Variants in PSD3 observed in about 807,000 individuals in gnomAD.
PSD3 encodes the protein pleckstrin and Sec7 domain containing 3.
In PSD3, 49 loss-of-function variants were observed where a neutral mutation model predicts 105.5. The ratio of observed to expected loss-of-function variants is 0.46; its 90% CI spans 0.37 to 0.59. The LOEUF (loss-of-function observed/expected upper bound fraction) is 0.59. PSD3 is among the 20% of genes least tolerant of loss of function. The pLI, the probability that PSD3 is intolerant of heterozygous loss-of-function variation, is 0.00. For missense variants in PSD3, 1,561 were observed against 1,263.8 expected (o/e 1.24, Z -3.57); for synonymous variants, 557 against 457.8 (o/e 1.22, Z -2.77).
chr8:18,711,793 A>G (rs79644931), intron 9 of PSD3, among the ~76,000 whole-genome samples: 7,207 of 152,278 alleles, frequency 0.047, 486 homozygotes, highest in African/African-American at 0.15. Flanking sequence ...ACAGGTATCT[A>G]CAGAACCTTC....
At chr8:18,616,453 G>C (rs534624815) in intron 11 of PSD3, among the ~76,000 whole-genome samples, 10 of 152,130 alleles carry the variant, frequency 6.6e-5, no homozygotes, top group East Asian at 3.9e-4. Flanking sequence ...GCCTTCCCTC[G>C]TCTGGATCTA....
chr8:18,780,107 G>T (rs1000372787), intron 8 of PSD3, among the ~76,000 whole-genome samples: 2 of 152,166 alleles, frequency 1.3e-5, no homozygotes, highest in African/African-American at 4.8e-5. Context: ...ATGCTCCAGT[G>T]TTGGGCGCAC....
At chr8:18,561,617 T>TA (rs1394110294) in intron 14 of PSD3, among the ~76,000 whole-genome samples, 16 of 152,150 alleles carry the variant, frequency 1.1e-4, no homozygotes, top group Admixed American at 3.3e-4. Context: ...GTTCTAACCA[T>TA]AAAAAATTGA....
intron 1 of PSD3, among the ~76,000 whole-genome samples, chr8:19,012,608 T>G (rs1276317501): frequency 6.6e-6 from 1 of 152,178 alleles, no homozygotes; most frequent in South Asian, 2.1e-4. Context: ...AGCCTACGCA[T>G]AAGTCTCTCC....
intron 14 of PSD3, 96 bp downstream of exon 14, chr8:18,572,431 GC>G: frequency 6.9e-7 from 1 of 1,451,056 alleles, no homozygotes; most frequent in South Asian, 1.3e-5. Flanking sequence ...TCTCACACCT[GC>G]CCCCAAAACA....
chr8:18,982,041 A>T (rs1825275348), intron 1 of PSD3, among the ~76,000 whole-genome samples: 1 of 152,172 alleles, frequency 6.6e-6, no homozygotes, highest in African/African-American at 2.4e-5. Context: ...CTTCTTTCAA[A>T]TCTGAAGTCA....
chr8:18,670,712 T>G (rs1243491263), intron 9 of PSD3, among the ~76,000 whole-genome samples: 1 of 152,134 alleles, frequency 6.6e-6, no homozygotes, highest in Non-Finnish European at 1.5e-5. Flanking sequence ...CATTAAGAGA[T>G]AAAGGAAAGA....
intron 1 of PSD3, among the ~76,000 whole-genome samples, chr8:19,044,563 T>G (rs1828246923): frequency 6.6e-6 from 1 of 152,250 alleles, no homozygotes; most frequent in South Asian, 2.1e-4. Context: ...TAAATGAATG[T>G]AAAGTATCTT....
chr8:18,825,130 T>C (rs1348842110), intron 4 of PSD3, among the ~76,000 whole-genome samples: 2 of 152,216 alleles, frequency 1.3e-5, no homozygotes, highest in African/African-American at 4.8e-5. Flanking sequence ...CTGAAACTTA[T>C]GTGTGTATTA....
chr8:18,595,281 C>A (rs1038453295), intron 12 of PSD3, among the ~76,000 whole-genome samples: 260 of 122,464 alleles, frequency 2.1e-3, no homozygotes, highest in East Asian at 5.9e-3. Flanking sequence ...AATGTTATTA[C>A]AAAAAAAAAA....
At chr8:18,631,454 C>T (rs2075411919) in intron 11 of PSD3, among the ~76,000 whole-genome samples, 1 of 151,968 alleles carries the variant, frequency 6.6e-6, no homozygotes, top group African/African-American at 2.4e-5. Flanking sequence ...CAAAATTAAA[C>T]ACGTGATCTA....
intron 2 of PSD3, among the ~76,000 whole-genome samples, chr8:18,878,466 A>G (rs1169410049): frequency 1.8e-4 from 27 of 152,268 alleles, no homozygotes; most frequent in Admixed American, 1.8e-3. Flanking sequence ...TTGCCTCTAC[A>G]CTGAAGTAGG....
intron 4 of PSD3, among the ~76,000 whole-genome samples, chr8:18,847,835 T>C (rs2129451897): frequency 6.6e-6 from 1 of 152,288 alleles, no homozygotes; most frequent in South Asian, 2.1e-4. Flanking sequence ...GGATGTGCAA[T>C]GGCCATAGCA....
chr8:18,645,480 G>A (rs527448138), intron 10 of PSD3, among the ~76,000 whole-genome samples: 1 of 152,178 alleles, frequency 6.6e-6, no homozygotes, highest in East Asian at 1.9e-4. Context: ...TACAGTCAGG[G>A]TGTCTTTGCT....
At chr8:18,798,069 C>G (rs778166485) in intron 8 of PSD3, among the ~76,000 whole-genome samples, 3 of 152,204 alleles carry the variant, frequency 2.0e-5, no homozygotes, top group Non-Finnish European at 4.4e-5. Context: ...TGACAATCCA[C>G]TGACTGGCCA....
chr8:18,975,646 T>G lies in PSD3; in HGVS notation c.21+37917A>C, dbSNP rs1824905502. 3.3e-5 allele frequency among the ~76,000 whole-genome samples: 5 copies of G among 152,238 alleles called. No individual in the cohort carries two copies. In the South Asian group the frequency reaches 1.0e-3, roughly 32 times the overall value. On this transcript the variant is annotated intron_variant, in intron 1 of 15. Transcript: ENST00000327040. ...TTCCTGCAACAGTTCCAGTATCTTT[T>G]GCTCTAATACCATCAGTGTTGGGAA...
At chr8:18,826,100 A>G (rs1813164719) in intron 4 of PSD3, among the ~76,000 whole-genome samples, 1 of 152,180 alleles carries the variant, frequency 6.6e-6, no homozygotes, top group Admixed American at 6.5e-5. Context: ...TCTGAATTCA[A>G]TCTCTTCCTG....
intron 1 of PSD3, among the ~76,000 whole-genome samples, chr8:18,975,832 T>A (rs182384782): frequency 0.014 from 2,178 of 152,034 alleles, 69 homozygotes; most frequent in African/African-American, 0.05. Context: ...TAAAAAAAAA[T>A]ACACATTGGC....
In PSD3 at chr8:18,755,096, G is replaced by A. The variant is rs1043052625; in HGVS notation, c.2172+10353C>T. ...CAATAATACATGCTCATGTTAGTGA[G>A]AGGGGCAGCAATCTTGGACTGTTAT... is the stretch of plus-strand genomic sequence containing the variant. On this transcript the variant is annotated intron_variant, in intron 9 of 15. Coordinates refer to ENST00000327040, the MANE Select transcript of PSD3 (RefSeq NM_015310.4). Among the ~76,000 whole-genome samples the A allele has an allele frequency of 1.9e-4, 29 of 152,068 alleles. 1 individual carries two copies. The highest frequency in any genetic ancestry group is 6.5e-4 in the African/African-American group (27 of 41,390).
Sources: gnomAD v4.1 joint callset for allele counts (sites outside exome capture counted in the v4.1 genomes callset) on GRCh38, gnomAD v4.1.1 for gene constraint, MANE v1.5 for transcripts, NCBI Gene and HGNC (gene_info 2026-07-23, HGNC 2026-07-21) for gene names.